The following SNAPC4 variants were observed in gnomAD, a reference collection of about 807,000 sequenced individuals.
SNAPC4 encodes snRNA-activating protein complex subunit 4.
Under a neutral mutation model 151.3 loss-of-function variants are expected in SNAPC4, and 127 were observed. That is an observed-to-expected ratio of 0.84 (90% CI 0.73 to 0.97). SNAPC4 has a LOEUF of 0.97. Ranked by LOEUF, SNAPC4 falls within the 50% of genes least tolerant of loss-of-function variation. The probability of loss-of-function intolerance (pLI) is 0.00; values close to 1 mark genes in which losing one functional copy is unlikely to be tolerated. For synonymous variants in SNAPC4, 1,002 were observed against 824.4 expected (o/e 1.22, Z -3.69); for missense variants, 2,186 against 1,935.0 (o/e 1.13, Z -2.43).
chr9:136,377,031 C>T (rs1161337289), intron 22 of SNAPC4, among the ~76,000 whole-genome samples: 3 of 152,236 alleles, frequency 2.0e-5, no homozygotes, highest in African/African-American at 7.2e-5. Context: ...CCCAGCTCCA[C>T]ATGCTTTCCA....
rs1833543585 is a variant in SNAPC4 at position 136,378,317 on chromosome 9, A to G, written c.3510T>C (p.Ser1170=). The change falls in exon 22 of 24, where the codon AGT becomes AGC. Residue 1170 remains serine, a synonymous_variant. Coordinates refer to ENST00000684778, the MANE Select transcript of SNAPC4 (RefSeq NM_003086.4). ...GGGCCTCTCCAGGGACAAAGGCCAC[A>G]CTGCCATCCGCTTCTGCAGGACTTT... ...LSQSPAEADG[S]VAFVPGEAQV... The G allele has an allele frequency of 6.2e-7, 1 of 1,604,440 alleles. No homozygotes were observed. The highest frequency in any genetic ancestry group is 8.5e-7 in the Non-Finnish European group (1 of 1,176,200).
chr9:136,385,531 C>T (rs958054767), intron 13 of SNAPC4, among the ~76,000 whole-genome samples: 4 of 151,496 alleles, frequency 2.6e-5, no homozygotes, highest in Non-Finnish European at 4.4e-5. Context: ...TACAGAAACG[C>T]GGTATTTATA....
At chr9:136,396,429 T>C (rs1834276883) in intron 3 of SNAPC4, among the ~76,000 whole-genome samples, 1 of 152,234 alleles carries the variant, frequency 6.6e-6, no homozygotes, top group Non-Finnish European at 1.5e-5. Context: ...TATTTTTCTT[T>C]TTTTTGAGAC....
At chr9:136,392,920 C>A in intron 7 of SNAPC4, 143 bp from the exon 8 acceptor site, 1 of 688,060 alleles carries the variant, frequency 1.5e-6, no homozygotes, top group Non-Finnish European at 2.5e-6. Context: ...CCTCCTCACC[C>A]ATGAGGGAAG....
rs1833523192 is a variant in SNAPC4 at position 136,378,000 on chromosome 9, T to G, written c.3827A>C (p.Gln1276Pro). 1 of 1,601,404 alleles carries G rather than the reference T, an allele frequency of 6.2e-7. No individual in the cohort carries two copies. The highest frequency in any genetic ancestry group is 1.1e-5 in the South Asian group (1 of 90,110). Reference sequence around the variant, plus strand: ...CTGCTGTGTGGCCGCCTCGCCCTCCTGGGACAGCAGGCCCAGGTCCAGGGC... The same window carrying G: ...CTGCTGTGTGGCCGCCTCGCCCTCCGGGGACAGCAGGCCCAGGTCCAGGGC... ...KGALDLGLLS[Q>P]EGEAATQQWL... The change falls in exon 22 of 24, where the codon CAG (glutamine) becomes CCG (proline). Residue 1276 changes from glutamine (Q) to proline (P), a missense_variant. Transcript: ENST00000684778.
chr9:136,396,753 G>A (rs1018054482), intron 3 of SNAPC4, among the ~76,000 whole-genome samples: 12 of 152,232 alleles, frequency 7.9e-5, no homozygotes, highest in African/African-American at 2.7e-4. Context: ...ACAGCAATGA[G>A]CTCAGAAAAA....
At position 136,398,593 on chromosome 9, in the gene SNAPC4, G is replaced by A. The variant is rs763134746; in HGVS notation, c.-9-156C>T. 74 of 774,772 alleles carry A rather than the reference G, an allele frequency of 9.6e-5. 1 individual carries two copies. The highest frequency in any genetic ancestry group is 7.5e-4 in the African/African-American group (43 of 57,344). The allele number at this position is 774,772 out of a possible 1,614,324, so 48.0% of individuals were successfully genotyped here. On this transcript the variant is annotated intron_variant, in intron 1 of 23. Transcript: ENST00000684778. ...AGATTAATAGGCCAGGCACAGAATC[G>A]GGGAACCCTGGGACAGGAACCTCAG...
In SNAPC4 at chr9:136,398,310, T is replaced by G; in HGVS notation, c.119A>C (p.Asp40Ala). 3 of 1,613,334 alleles carry G rather than the reference T, an allele frequency of 1.9e-6. No individual in the cohort carries two copies. The highest frequency in any genetic ancestry group is 2.5e-6 in the Non-Finnish European group (3 of 1,179,480). Reference protein sequence around the residue: ...VEISESSLESDSEADSLPSED... With the variant: ...VEISESSLESASEADSLPSED... Reference sequence around the variant, plus strand: ...TACAAGGGGCTTACCTGCTTCAGAATCTGACTCGAGACTTGATTCTGAGAT... The same window carrying G: ...TACAAGGGGCTTACCTGCTTCAGAAGCTGACTCGAGACTTGATTCTGAGAT... The change falls in exon 2 of 24, where the codon GAT becomes GCT. Residue 40 changes from aspartate (D) to alanine (A), a missense_variant. By Grantham distance (126) the Asp-to-Ala change is moderately radical. Coordinates refer to ENST00000684778, the MANE Select transcript of SNAPC4 (RefSeq NM_003086.4).
chr9:136,378,792 C>A lies in SNAPC4; in HGVS notation c.3035G>T (p.Gly1012Val). The change falls in exon 22 of 24, where the codon GGC becomes GTC. Residue 1012 changes from glycine (G) to valine (V), a missense_variant. Gly to Val is a moderately radical substitution (Grantham distance 109). Transcript: ENST00000684778. ...AASQAPALGP[G>V]QISVSCPESG... is the part of the protein sequence containing the mutation. ...CTCGGGGCAGCTCACAGAGATCTGGCCGGGGCCCAGGGCAGGGGCTTGGGA... is the reference window on the plus strand; with the variant it reads ...CTCGGGGCAGCTCACAGAGATCTGGACGGGGCCCAGGGCAGGGGCTTGGGA... 1 of 1,566,048 alleles carries A rather than the reference C, an allele frequency of 6.4e-7. No individual in the cohort carries two copies.
intron 18 of SNAPC4, 49 bp from the exon 19 acceptor site, chr9:136,381,441 A>C: frequency 6.7e-7 from 1 of 1,497,392 alleles, no homozygotes; most frequent in Non-Finnish European, 9.3e-7. Flanking sequence ...TCCCATGGGC[A>C]CAGGGGGATG....
In SNAPC4 at chr9:136,378,096, T is replaced by C. The variant is rs995845880; in HGVS notation, c.3731A>G (p.Gln1244Arg). 21 of 1,589,542 alleles carry C rather than the reference T, an allele frequency of 1.3e-5. No homozygotes were observed. The highest frequency in any genetic ancestry group is 1.8e-5 in the Non-Finnish European group (21 of 1,169,160). ...PLGLEKLPLR[Q>R]PGPEKGALDL... is the part of the protein sequence containing the mutation. ...CAGGGCCCCCTTCTCAGGCCCAGGC[T>C]GGCGCAGGGGCAGCTTCTCCAGGCC... is the stretch of plus-strand genomic sequence containing the variant. The change falls in exon 22 of 24, where the codon CAG (glutamine) becomes CGG (arginine). Residue 1244 changes from glutamine (Q) to arginine (R), a missense_variant. Coordinates refer to ENST00000684778, the MANE Select transcript of SNAPC4 (RefSeq NM_003086.4).
At chr9:136,399,837 C>T (rs1834393327) in intron 1 of SNAPC4, among the ~76,000 whole-genome samples, 2 of 152,212 alleles carry the variant, frequency 1.3e-5, no homozygotes, top group Admixed American at 1.3e-4. Flanking sequence ...ACCGCGGAAT[C>T]GCCGGCGCAG....
rs1181896422 is a variant in SNAPC4, at chr9:136,378,338, A to C, written c.3489T>G (p.Ser1163Arg). The C allele has an allele frequency of 1.2e-6, 2 of 1,607,294 alleles. No homozygotes were observed. Among genetic ancestry groups the C allele is most frequent in the African/African-American group, 1.3e-5 (1 of 74,876 alleles). Reference sequence around the variant, plus strand: ...CCACACTGCCATCCGCTTCTGCAGGACTTTGGGAGAGGGCGTGTGTGGGAG... The same window carrying C: ...CCACACTGCCATCCGCTTCTGCAGGCCTTTGGGAGAGGGCGTGTGTGGGAG... ...PAPPTHALSQSPAEADGSVAF... is the reference protein window; with the variant it reads ...PAPPTHALSQRPAEADGSVAF... Residue 1163 changes from serine to arginine, a missense_variant, in exon 22 of 24, where the codon AGT becomes AGG. Ser to Arg is a moderately radical substitution (Grantham distance 110, BLOSUM62 -1). Coordinates refer to ENST00000684778, the MANE Select transcript of SNAPC4 (RefSeq NM_003086.4).
chr9:136,378,395 C>T lies in SNAPC4; in HGVS notation c.3432G>A (p.Pro1144=), dbSNP rs757737214. The T allele has an allele frequency of 2.1e-5, 34 of 1,609,040 alleles. No individual in the cohort carries two copies. Among genetic ancestry groups the T allele is most frequent in the Non-Finnish European group, 2.5e-5 (30 of 1,178,974 alleles). The change falls in exon 22 of 24, where the codon CCG becomes CCA. Residue 1144 remains proline (P), a synonymous_variant. Transcript: ENST00000684778. ...WQPPANMNRE[P]EPSCRTDTPA... ...GGGTGTCTGTCCTGCAGGAAGGCTC[C>T]GGTTCCCTGTTCATATTGGCTGGGG...
chr9:136,378,315 A>G lies in SNAPC4; in HGVS notation c.3512T>C (p.Val1171Ala). 6.2e-7 allele frequency: 1 copy of G among 1,604,556 alleles called. No individual in the cohort carries two copies. Among genetic ancestry groups the G allele is most frequent in the Non-Finnish European group, 8.5e-7 (1 of 1,176,228 alleles). Reference sequence around the variant, plus strand: ...CTGGGCCTCTCCAGGGACAAAGGCCACACTGCCATCCGCTTCTGCAGGACT... The same window carrying G: ...CTGGGCCTCTCCAGGGACAAAGGCCGCACTGCCATCCGCTTCTGCAGGACT... ...SQSPAEADGSVAFVPGEAQVA... is the reference protein window; with the variant it reads ...SQSPAEADGSAAFVPGEAQVA... Residue 1171 changes from valine to alanine, a missense_variant, in exon 22 of 24, where the codon GTG (valine) becomes GCG (alanine). Coordinates refer to ENST00000684778, the MANE Select transcript of SNAPC4 (RefSeq NM_003086.4).
chr9:136,392,897 C>G (rs1302917430), intron 7 of SNAPC4, 120 bp from the exon 8 acceptor site: 14 of 802,704 alleles, frequency 1.7e-5, no homozygotes, highest in Non-Finnish European at 2.6e-5. Flanking sequence ...CTCCCTCACC[C>G]TCCCTGCCTC....
chr9:136,394,851 C>T lies in SNAPC4; in HGVS notation c.499G>A (p.Glu167Lys), dbSNP rs1588766119. Residue 167 changes from glutamate to lysine, a missense_variant, in exon 6 of 24, where the codon GAG (glutamate) becomes AAG (lysine). Coordinates refer to ENST00000684778, the MANE Select transcript of SNAPC4 (RefSeq NM_003086.4). ...GCCTTGATCCCCTGGGCAGCCTTCT[C>T]TCGTGTGTCCTCGTTGGCAGGTGGC... ...VGPPANEDTR[E>K]KAAQGIKAFE... The T allele has an allele frequency of 1.2e-6, 2 of 1,613,906 alleles. No individual in the cohort carries two copies. The highest frequency in any genetic ancestry group is 1.7e-6 in the Non-Finnish European group (2 of 1,179,986).
At chr9:136,392,881 C>A in intron 7 of SNAPC4, 104 bp from the exon 8 acceptor site, 1 of 928,548 alleles carries the variant, frequency 1.1e-6, no homozygotes. Context: ...AGCAGAGATT[C>A]CGAGCCTCCC....
Position 136,394,342 on chromosome 9 carries a change from C to G in SNAPC4, c.551-12G>C, listed in dbSNP as rs1271035750. The G allele has an allele frequency of 3.7e-6, 6 of 1,609,738 alleles. No individual in the cohort carries two copies. Among genetic ancestry groups the G allele is most frequent in the Non-Finnish European group, 5.1e-6 (6 of 1,176,544 alleles). On this transcript the variant is annotated splice_polypyrimidine_tract_variant and intron_variant, in intron 6 of 23. Coordinates refer to ENST00000684778, the MANE Select transcript of SNAPC4 (RefSeq NM_003086.4). Reference sequence around the variant, plus strand: ...TTCCCAGTTTTTCCCTGAGGAGAAGCCACAGCATCATCACTGGGGGTCTGG... The same window carrying G: ...TTCCCAGTTTTTCCCTGAGGAGAAGGCACAGCATCATCACTGGGGGTCTGG...
Sources: allele counts gnomAD v4.1 joint callset (sites outside exome capture counted in the v4.1 genomes callset), GRCh38; gene constraint gnomAD v4.1.1; transcripts MANE v1.5; gene names NCBI Gene and HGNC (gene_info 2026-07-23, HGNC 2026-07-21).